The following MICAL3 variants were observed in gnomAD, a reference collection of about 807,000 sequenced individuals.
MICAL3 encodes the protein microtubule associated monooxygenase, calponin and LIM domain containing 3.
In MICAL3, 62 loss-of-function variants were observed where a neutral mutation model predicts 207.4. That is an observed-to-expected ratio of 0.30 (90% CI 0.24 to 0.37). The LOEUF is 0.37. MICAL3 is among the 10% of genes least tolerant of loss of function. The pLI, the probability that MICAL3 is intolerant of heterozygous loss-of-function variation, is 1.00. For missense variants in MICAL3, 2,368 were observed against 2,635.6 expected, an observed-to-expected ratio of 0.90 and a Z score of 2.22; for synonymous variants, 1,077 against 1,069.3, an observed-to-expected ratio of 1.01 and a Z score of -0.14.
At chr22:17,828,104 G>A (rs1254180537) in intron 21 of MICAL3, among the ~76,000 whole-genome samples, 2 of 152,140 alleles carry the variant, frequency 1.3e-5, no homozygotes, top group Non-Finnish European at 2.9e-5. Context: ...CATTCAGGGG[G>A]CCCATGCACC....
In MICAL3 at chr22:17,902,775, G is replaced by A. The variant is rs1931426204; in HGVS notation, c.473-28C>T. 2 of 1,390,028 alleles carry A rather than the reference G, an allele frequency of 1.4e-6. No homozygotes were observed. The highest frequency in any genetic ancestry group is 1.4e-5 in the African/African-American group (1 of 70,372). The allele number at this position is 1,390,028 out of a possible 1,614,324, so 86.1% of individuals were successfully genotyped here. On this transcript the variant is annotated intron_variant, in intron 3 of 31. Coordinates refer to ENST00000441493, the MANE Select transcript of MICAL3 (RefSeq NM_015241.3). The surrounding 1 kb of genome is among the most constrained non-coding windows in gnomAD (Gnocchi z 4.5). ...GGGAGAATACAGAGATGACGTTGAT[G>A]GGAACACATGGAGAAGGGGGTACCC...
intron 1 of MICAL3, chr22:17,983,567 C>T (rs1163085580): frequency 6.6e-6 from 1 of 152,590 alleles, no homozygotes; most frequent in African/African-American, 2.4e-5. Context: ...TGACTCTGTA[C>T]TCCCAAGTAC....
At chr22:17,798,261 G>C (rs1392492694) in intron 29 of MICAL3, among the ~76,000 whole-genome samples, 3 of 152,232 alleles carry the variant, frequency 2.0e-5, no homozygotes, top group Non-Finnish European at 2.9e-5. Flanking sequence ...ACTTTCAAGA[G>C]GTGGAGGCTG....
intron 1 of MICAL3, among the ~76,000 whole-genome samples, chr22:17,959,802 AAAAT>A (rs1452850868): frequency 1.3e-5 from 2 of 152,074 alleles, no homozygotes; most frequent in Non-Finnish European, 2.9e-5. Context: ...CTGGGACAGA[AAAAT>A]AAAGGCAAAT....
intron 1 of MICAL3, among the ~76,000 whole-genome samples, chr22:17,951,701 C>CT (rs1254646327): frequency 0.024 from 3,347 of 140,000 alleles, 47 homozygotes; most frequent in African/African-American, 0.032. Context: ...AAATTTCTTT[C>CT]TTTTTTTTTT....
intron 19 of MICAL3, among the ~76,000 whole-genome samples, chr22:17,849,866 A>G (rs1261198367): frequency 6.6e-6 from 1 of 150,428 alleles, no homozygotes; most frequent in Non-Finnish European, 1.5e-5. Flanking sequence ...GATAATTTTT[A>G]TATTTTTAGT....
At chr22:17,914,592 G>A (rs192929625) in intron 1 of MICAL3, among the ~76,000 whole-genome samples, 5 of 152,202 alleles carry the variant, frequency 3.3e-5, no homozygotes, top group Admixed American at 2.6e-4. Context: ...GAACTTGCCT[G>A]CCAGGAAGAT....
chr22:17,827,815 G>T, intron 21 of MICAL3, 34 bp from the exon 22 acceptor site: 2 of 1,524,010 alleles, frequency 1.3e-6, no homozygotes, highest in Non-Finnish European at 1.8e-6. Flanking sequence ...GGAGAAATGA[G>T]GTGGGGAAGG....
In MICAL3 at chr22:17,818,024, G is replaced by T. The variant is rs1281072575; in HGVS notation, c.4637C>A (p.Pro1546His). ...DSSLQEKFFT[P>H]PSCWPRPEKP... The stretch of plus-strand genomic sequence containing the variant: ...CTCGGGGCGCGGCCAGCAGGACGGG[G>T]GCGTGAAGAATTTCTCCTGCAGGCT... Residue 1546 changes from proline to histidine, a missense_variant, in exon 26 of 32, where the codon CCC becomes CAC. Physicochemically the swap from Pro to His is moderately conservative, Grantham distance 77. Around this residue, in one of 4 missense-constraint regions of MICAL3, gnomAD observed 1,770 missense variants for 1,863.2 expected, o/e 0.95. Transcript: ENST00000441493. 4 of 1,612,600 alleles carry T rather than the reference G, an allele frequency of 2.5e-6. No individual in the cohort carries two copies. The East Asian group carries it at 8.9e-5, about 36-fold the overall frequency.
intron 17 of MICAL3, among the ~76,000 whole-genome samples, chr22:17,871,557 C>T (rs1927725885): frequency 6.6e-6 from 1 of 152,220 alleles, no homozygotes; most frequent in African/African-American, 2.4e-5. Context: ...CTCAAGTTCC[C>T]ACCCCGAGGT....
At chr22:17,879,394 C>T in intron 16 of MICAL3, 1 of 1,612,184 alleles carries the variant, frequency 6.2e-7, no homozygotes, top group Non-Finnish European at 8.5e-7. Flanking sequence ...CATCAAGATC[C>T]CTGTATGTCT....
intron 1 of MICAL3, among the ~76,000 whole-genome samples, chr22:17,911,367 A>G (rs1932131373): frequency 6.6e-6 from 1 of 152,192 alleles, no homozygotes; most frequent in South Asian, 2.1e-4. Flanking sequence ...AACAAAAAAG[A>G]ATGACACTTC....
chr22:17,848,981 T>C (rs568282781), intron 19 of MICAL3, among the ~76,000 whole-genome samples: 3 of 152,350 alleles, frequency 2.0e-5, no homozygotes, highest in African/African-American at 4.8e-5. Context: ...GCCACTGCTA[T>C]GTCAGGGTGG....
intron 16 of MICAL3, among the ~76,000 whole-genome samples, chr22:17,880,981 T>C (rs1223015799): frequency 2.0e-5 from 3 of 152,224 alleles, no homozygotes; most frequent in Non-Finnish European, 2.9e-5. Context: ...GACAGTCGTG[T>C]TTCCATGATG....
intron 19 of MICAL3, chr22:17,862,045 G>A (rs1424553028): frequency 3.2e-5 from 32 of 985,284 alleles, no homozygotes; most frequent in East Asian, 1.1e-4. Flanking sequence ...AGCACAGCTG[G>A]GTCAAACACT....
intron 1 of MICAL3, chr22:17,981,059 G>C: frequency 2.9e-6 from 1 of 344,206 alleles, no homozygotes; most frequent in East Asian, 7.7e-5. Flanking sequence ...TTAACAGACT[G>C]GTCTCCAAAA....
chr22:17,817,155 T>C (rs990724623), intron 26 of MICAL3, among the ~76,000 whole-genome samples, 156 bp downstream of exon 26: 5 of 152,216 alleles, frequency 3.3e-5, no homozygotes, highest in Admixed American at 6.5e-5. Flanking sequence ...GGCTATGCCC[T>C]GTGAACCCAT....
chr22:17,932,935 C>A (rs113042549), intron 1 of MICAL3, among the ~76,000 whole-genome samples: 5 of 152,122 alleles, frequency 3.3e-5, no homozygotes, highest in Admixed American at 2.0e-4. Flanking sequence ...CCTAAATATA[C>A]ATGCACCCAA....
intron 21 of MICAL3, 134 bp from the exon 22 acceptor site, chr22:17,827,915 G>A (rs1178753718): frequency 2.3e-6 from 2 of 865,274 alleles, no homozygotes; most frequent in Admixed American, 2.6e-5. Context: ...TAAAAATTAA[G>A]AACATGTATG....
Sources: allele counts gnomAD v4.1 joint callset (sites outside exome capture counted in the v4.1 genomes callset), GRCh38; gene constraint gnomAD v4.1.1; regional missense constraint gnomAD v4.1.1; non-coding constraint Gnocchi (gnomAD v3.1); transcripts MANE v1.5; gene names NCBI Gene and HGNC (gene_info 2026-07-23, HGNC 2026-07-21).